Variants in APP observed in about 807,000 individuals in gnomAD.
APP encodes the protein amyloid beta precursor protein.
Under a neutral mutation model 101.4 loss-of-function variants are expected in APP, and 31 were observed. That is an observed-to-expected ratio of 0.31 (90% confidence interval 0.23 to 0.41). The LOEUF (loss-of-function observed/expected upper bound fraction) is 0.41. Ranked by LOEUF, APP falls within the 10% of genes least tolerant of loss-of-function variation. The pLI, the probability that APP is intolerant of heterozygous loss-of-function variation, is 1.00. For synonymous variants in APP, 366 were observed against 364.4 expected, an observed-to-expected ratio of 1.00 and a Z score of -0.05; for missense variants, 839 against 1,003.7, an observed-to-expected ratio of 0.84 and a Z score of 2.22.
intron 1 of APP, among the ~76,000 whole-genome samples, chr21:26,118,338 G>A (rs1047657829): frequency 3.3e-5 from 5 of 152,128 alleles, no homozygotes; most frequent in South Asian, 2.1e-4. Flanking sequence ...CTTATGCATG[G>A]CAAACAAACT....
intron 14 of APP, among the ~76,000 whole-genome samples, chr21:25,909,357 T>TG (rs931723595): frequency 6.6e-6 from 1 of 151,952 alleles, no homozygotes; most frequent in Non-Finnish European, 1.5e-5. Flanking sequence ...GGACTGATAA[T>TG]GAAGAGTACT....
At chr21:25,964,230 C>T (rs2041699882) in intron 11 of APP, among the ~76,000 whole-genome samples, 1 of 152,174 alleles carries the variant, frequency 6.6e-6, no homozygotes, top group African/African-American at 2.4e-5. Flanking sequence ...TCTGTTCTCT[C>T]CTTCCCGTGG....
At chr21:25,992,572 C>T (rs1377542679) in intron 8 of APP, among the ~76,000 whole-genome samples, 3 of 152,106 alleles carry the variant, frequency 2.0e-5, no homozygotes, top group Non-Finnish European at 4.4e-5. Context: ...GATGGCCCTT[C>T]TTTTTAAAAA....
intron 17 of APP, among the ~76,000 whole-genome samples, chr21:25,891,156 G>A (rs755366927): frequency 2.0e-5 from 3 of 151,866 alleles, no homozygotes; most frequent in Non-Finnish European, 4.4e-5. Context: ...GTAATAGGTT[G>A]CAGAACTCTC....
chr21:26,013,149 T>G (rs1194266465), intron 6 of APP, among the ~76,000 whole-genome samples: 1 of 152,092 alleles, frequency 6.6e-6, no homozygotes, highest in Non-Finnish European at 1.5e-5. Flanking sequence ...AAAACCTGTC[T>G]CTACTAAAAA....
rs567803009 is a variant in APP, at chr21:26,061,208, C to T, written c.356-7860G>A. ...GTCAAGAATCTAGCTTGTTTCTATT[C>T]CAACAGCTAGAAGATGCTTTATACT... On this transcript the variant is annotated intron_variant, in intron 3 of 17. Coordinates refer to ENST00000346798, the MANE Select transcript of APP (RefSeq NM_000484.4). Among the ~76,000 whole-genome samples, 22 of 152,262 alleles carry T rather than the reference C, an allele frequency of 1.4e-4. No individual in the cohort carries two copies. The South Asian group carries it at 4.6e-3, about 32-fold the overall frequency.
At chr21:26,077,480 G>C (rs1191912510) in intron 3 of APP, among the ~76,000 whole-genome samples, 1 of 152,116 alleles carries the variant, frequency 6.6e-6, no homozygotes, top group African/African-American at 2.4e-5. Context: ...TTTGTCTACA[G>C]TTAATATTTG....
intron 1 of APP, among the ~76,000 whole-genome samples, chr21:26,146,336 G>A (rs1376581120): frequency 6.6e-6 from 1 of 152,190 alleles, no homozygotes; most frequent in African/African-American, 2.4e-5. Flanking sequence ...TCAATTGACA[G>A]TAGATGAAAA....
At chr21:26,119,685 A>C (rs1187675577) in intron 1 of APP, among the ~76,000 whole-genome samples, 1 of 150,324 alleles carries the variant, frequency 6.7e-6, no homozygotes, top group Non-Finnish European at 1.5e-5. Flanking sequence ...TGCTAGAATG[A>C]ACACACACAC....
At chr21:25,997,072 TAC>T (rs1202316540) in intron 8 of APP, 1 of 445,256 alleles carries the variant, frequency 2.2e-6, no homozygotes, top group African/African-American at 2.0e-5. Context: ...TAATGGCAAA[TAC>T]AATACAATGA....
intron 13 of APP, among the ~76,000 whole-genome samples, chr21:25,913,990 G>A (rs2039213095): frequency 1.3e-5 from 2 of 152,010 alleles, no homozygotes; most frequent in Non-Finnish European, 2.9e-5. Context: ...ACAGTTTGCT[G>A]GAGATACCAA....
At chr21:25,888,864 G>A (rs930225803) in intron 17 of APP, among the ~76,000 whole-genome samples, 8 of 152,244 alleles carry the variant, frequency 5.3e-5, no homozygotes, top group African/African-American at 1.7e-4. Flanking sequence ...TCCACTCCCT[G>A]AGGCTTGCGC....
At chr21:26,145,645 T>C (rs985406684) in intron 1 of APP, among the ~76,000 whole-genome samples, 4 of 152,108 alleles carry the variant, frequency 2.6e-5, no homozygotes, top group African/African-American at 9.7e-5. Flanking sequence ...GTACAAAAGG[T>C]GATAATATAC....
At chr21:25,977,472 A>G (rs1159293184) in intron 9 of APP, among the ~76,000 whole-genome samples, 1 of 152,220 alleles carries the variant, frequency 6.6e-6, no homozygotes, top group Non-Finnish European at 1.5e-5. Context: ...AGACTCTTCT[A>G]ACATACTTCA....
intron 6 of APP, among the ~76,000 whole-genome samples, chr21:26,008,267 C>G (rs545063994): frequency 2.0e-4 from 30 of 152,260 alleles, no homozygotes; most frequent in African/African-American, 7.0e-4. Flanking sequence ...TTAGACTAAT[C>G]AGGACTCCCG....
chr21:25,943,819 T>G (rs1368803085), intron 13 of APP, among the ~76,000 whole-genome samples: 1 of 152,224 alleles, frequency 6.6e-6, no homozygotes, highest in African/African-American at 2.4e-5. Context: ...CCTAGTGATA[T>G]CTCAGTGGTG....
chr21:25,897,132 CTTTTTTTTT>C lies in APP; in HGVS notation c.2064+432_2064+440del, dbSNP rs969514799. ...ACTATACATACAGCCTCTTTCTTTT[CTTTTTTTTT>C]TTTGGGATGGAGTCTCGCTCTGTCG... is the stretch of plus-strand genomic sequence containing the variant. On this transcript the variant is annotated intron_variant, in intron 16 of 17. Transcript: ENST00000346798. 2.8e-5 allele frequency among the ~76,000 whole-genome samples: 4 copies of C among 144,880 alleles called. No individual in the cohort carries two copies. In the Admixed American group the frequency reaches 2.8e-4, roughly 10 times the overall value.
At position 26,050,824 on chromosome 21, in the gene APP, T is replaced by G. The variant is rs147556460; in HGVS notation, c.662+176A>C. Among the ~76,000 whole-genome samples the G allele has an allele frequency of 3.1e-3, 470 of 152,330 alleles. 4 individuals are homozygous for G. Among genetic ancestry groups the G allele is most frequent in the Non-Finnish European group, 5.5e-3 (373 of 68,020 alleles). ...ACTCTGTGATGGGTGACTGATATTA[T>G]TAATTCAACAGGATGCCATAAAAAT... On this transcript the variant is annotated intron_variant, in intron 5 of 17. Coordinates refer to ENST00000346798, the MANE Select transcript of APP (RefSeq NM_000484.4).
chr21:25,898,445 G>T (rs1569025316), intron 15 of APP, among the ~76,000 whole-genome samples: 2 of 152,014 alleles, frequency 1.3e-5, no homozygotes, highest in Non-Finnish European at 2.9e-5. Flanking sequence ...AAAAACATAA[G>T]TAAAAAATGT....
Sources: allele counts gnomAD v4.1 joint callset (sites outside exome capture counted in the v4.1 genomes callset), GRCh38; gene constraint gnomAD v4.1.1; transcripts MANE v1.5; gene names NCBI Gene and HGNC (gene_info 2026-07-23, HGNC 2026-07-21).